The following NBPF15 variants were observed in gnomAD, a reference collection of about 807,000 sequenced individuals.
The protein encoded by NBPF15 is NBPF family member NBPF15.
In NBPF15, 74 loss-of-function variants were observed where a neutral mutation model predicts 62.2. That is an observed-to-expected ratio of 1.19 (90% CI 0.99 to 1.44). The LOEUF is 1.44. Among genes scored for constraint, NBPF15 ranks in the 40% most tolerant of loss-of-function variants. NBPF15 has a pLI of 0.00. For missense variants in NBPF15, 790 were observed against 550.0 expected, an observed-to-expected ratio of 1.44 and a Z score of -4.36; for synonymous variants, 244 against 209.7, an observed-to-expected ratio of 1.16 and a Z score of -1.41.
intron 11 of NBPF15, 144 bp from the exon 12 acceptor site, chr1:144,435,460 C>G (rs1464649495): frequency 2.3e-6 from 3 of 1,320,726 alleles, no homozygotes; most frequent in East Asian, 4.7e-5. Context: ...AGGGAACATG[C>G]AATCCTGTTC....
chr1:144,425,579 T>C lies in NBPF15; in HGVS notation c.1439-11A>G, dbSNP rs1669141667. The C allele has an allele frequency of 3.5e-6, 2 of 565,316 alleles. No individual in the cohort carries two copies. Among genetic ancestry groups the C allele is most frequent in the African/African-American group, 5.2e-5 (2 of 38,338 alleles). The allele number at this position is 565,316 out of a possible 1,614,324, so 35.0% of individuals were successfully genotyped here. ...GGTCCTTTTTAATTCCTGCAATACATTCAGACAGGGACAGACAAAATAAGC... is the reference window on the plus strand; with the variant it reads ...GGTCCTTTTTAATTCCTGCAATACACTCAGACAGGGACAGACAAAATAAGC... On this transcript the variant is annotated splice_polypyrimidine_tract_variant and intron_variant, in intron 18 of 21. Transcript: ENST00000581897.
chr1:144,423,975 T>G lies in NBPF15; in HGVS notation c.1664A>C (p.Glu555Ala). Reference protein sequence around the residue: ...KHVGFSLDVGEIEKKGKGKKR... With the variant: ...KHVGFSLDVGAIEKKGKGKKR... The stretch of plus-strand genomic sequence containing the variant: ...CTTCCCCTTCCCCTTCTTTTCAATT[T>G]CTGCAATAAATTCAGACATGGACAG... The change falls in exon 21 of 22, where the codon GAA (glutamate) becomes GCA (alanine). Residue 555 changes from glutamate to alanine, a missense_variant and splice_region_variant. Transcript: ENST00000581897. 1.3e-6 allele frequency: 1 copy of G among 766,514 alleles called. No homozygotes were observed. Among genetic ancestry groups the G allele is most frequent in the South Asian group, 1.3e-5 (1 of 74,508 alleles). The allele number at this position is 766,514 out of a possible 1,614,324, so 47.5% of individuals were successfully genotyped here.
chr1:144,456,987 G>A (rs1428685220), intron 3 of NBPF15, among the ~76,000 whole-genome samples, 182 bp from the exon 4 acceptor site: 1 of 150,244 alleles, frequency 6.7e-6, no homozygotes, highest in Non-Finnish European at 1.5e-5. Flanking sequence ...ACCAGCCTCG[G>A]CAACATAGTA....
intron 6 of NBPF15, among the ~76,000 whole-genome samples, chr1:144,443,637 G>T (rs1256797179): frequency 2.6e-5 from 4 of 151,686 alleles, no homozygotes; most frequent in South Asian, 4.2e-4. Flanking sequence ...CTGCTTCATT[G>T]CATGTATTGT....
At position 144,423,088 on chromosome 1, in the gene NBPF15, C is replaced by A. The variant is rs781891184; in HGVS notation, c.1938G>T (p.Val646=). ...EEEHISFALY[V]DNRFFTLTVT... ...CCGTCAAAGTAAAAAACCTATTGTC[C>A]ACGTAAAGGGCGAAGCTGATATGCT... Residue 646 remains valine (V), a synonymous_variant, in exon 22 of 22, where the codon GTG becomes GTT. Transcript: ENST00000581897. 6.2e-7 allele frequency: 1 copy of A among 1,611,560 alleles called. No homozygotes were observed. Among genetic ancestry groups the A allele is most frequent in the East Asian group, 2.2e-5 (1 of 44,862 alleles).
At chr1:144,441,828 T>C (rs1180138916) in intron 6 of NBPF15, among the ~76,000 whole-genome samples, 1 of 150,750 alleles carries the variant, frequency 6.6e-6, no homozygotes, top group Non-Finnish European at 1.5e-5. Context: ...AAACAACAAA[T>C]ATTATTTCAC....
intron 8 of NBPF15, among the ~76,000 whole-genome samples, chr1:144,438,601 A>G (rs1236937066): frequency 6.6e-6 from 1 of 152,092 alleles, no homozygotes; most frequent in Non-Finnish European, 1.5e-5. Context: ...TGAAGGAAAT[A>G]TGCCCAAATG....
At chr1:144,451,904 C>G (rs1184881217) in intron 4 of NBPF15, among the ~76,000 whole-genome samples, 3 of 151,812 alleles carry the variant, frequency 2.0e-5, no homozygotes, top group Admixed American at 1.3e-4. Flanking sequence ...GTAATCCTAG[C>G]ACTTTGAGAG....
At chr1:144,441,452 T>A (rs1204018332) in intron 6 of NBPF15, among the ~76,000 whole-genome samples, 1 of 150,648 alleles carries the variant, frequency 6.6e-6, no homozygotes, top group Non-Finnish European at 1.5e-5. Flanking sequence ...CAAATTTTTA[T>A]ATTCATTGAT....
At chr1:144,428,034 G>C in intron 15 of NBPF15, 44 bp from the exon 16 acceptor site, 1 of 775,394 alleles carries the variant, frequency 1.3e-6, no homozygotes, top group Non-Finnish European at 2.4e-6. Context: ...GGGGGAATCA[G>C]AAACCACACA....
chr1:144,458,178 C>A (rs1177694556), intron 3 of NBPF15, among the ~76,000 whole-genome samples: 1 of 151,954 alleles, frequency 6.6e-6, no homozygotes, highest in Admixed American at 6.6e-5. Context: ...CTTTAAATGG[C>A]TTAACGCTTA....
intron 6 of NBPF15, among the ~76,000 whole-genome samples, chr1:144,445,073 G>T (rs1344253352): frequency 6.6e-6 from 1 of 151,056 alleles, no homozygotes; most frequent in Non-Finnish European, 1.5e-5. Context: ...GATATGTACT[G>T]GTATCTCATT....
intron 6 of NBPF15, among the ~76,000 whole-genome samples, chr1:144,442,117 A>T (rs1269309124): frequency 4.6e-5 from 2 of 43,418 alleles, no homozygotes; most frequent in Admixed American, 4.1e-4. Context: ...TATATATATA[A>T]TATATATACA....
chr1:144,444,881 T>A (rs1686150554), intron 6 of NBPF15, among the ~76,000 whole-genome samples: 1 of 151,980 alleles, frequency 6.6e-6, no homozygotes, highest in African/African-American at 2.4e-5. Context: ...ACACAGTGTG[T>A]AAATTCCTAG....
intron 8 of NBPF15, among the ~76,000 whole-genome samples, chr1:144,438,522 A>T (rs1228874011): frequency 6.6e-6 from 1 of 152,026 alleles, no homozygotes; most frequent in African/African-American, 2.4e-5. Context: ...TTTTTAAATC[A>T]TATCTTCAGT....
In NBPF15 at chr1:144,426,401, A is replaced by T. The variant is rs1366945007; in HGVS notation, c.1315T>A (p.Ser439Thr). The T allele has an allele frequency of 1.6e-5, 13 of 817,292 alleles. No individual in the cohort carries two copies. The highest frequency in any genetic ancestry group is 2.4e-5 in the Non-Finnish European group (11 of 454,296). 50.6% of individuals were successfully genotyped at this position (817,292 alleles called of 1,614,324 possible). The change falls in exon 18 of 22, where the codon TCA becomes ACA. Residue 439 changes from serine (S) to threonine (T), a missense_variant. Coordinates refer to ENST00000581897, the MANE Select transcript of NBPF15 (RefSeq NM_001385408.1). ...DEKEPEVLQD[S>T]LDRCYSTPSD... Reference sequence around the variant, plus strand: ...GGAGTCGAATAACATCTATCCAGTGAGTCCTGCAAGACTTCAGGCTCTTTC... The same window carrying T: ...GGAGTCGAATAACATCTATCCAGTGTGTCCTGCAAGACTTCAGGCTCTTTC...
chr1:144,428,217 C>T (rs61812423), intron 15 of NBPF15, among the ~76,000 whole-genome samples: 1,413 of 136,608 alleles, frequency 0.01, no homozygotes, highest in African/African-American at 0.045. Context: ...ACACACAGAG[C>T]GAGCTCAGTG....
chr1:144,425,057 T>TAC (rs1668631840), intron 19 of NBPF15, among the ~76,000 whole-genome samples, 195 bp from the exon 20 acceptor site: 4 of 66,820 alleles, frequency 6.0e-5, no homozygotes, highest in Admixed American at 4.4e-4. Context: ...GAAAGACAGA[T>TAC]AGACACACAC....
rs1158430130 is a variant in NBPF15 at position 144,440,489 on chromosome 1, T to C, written c.-190-194A>G. 2,638 of 451,324 alleles carry C rather than the reference T, an allele frequency of 5.8e-3. 23 individuals are homozygous for C. The highest frequency in any genetic ancestry group is 7.4e-3 in the Non-Finnish European group (1,879 of 255,566). 28.0% of individuals were successfully genotyped at this position (451,324 alleles called of 1,614,324 possible). ...TGTGACAATGCCACAGACCCATGTC[T>C]TTCCCAATACATCTAAGCATATTCC... On this transcript the variant is annotated intron_variant, in intron 6 of 21. Transcript: ENST00000581897.
Sources: gnomAD v4.1 joint callset for allele counts (sites outside exome capture counted in the v4.1 genomes callset) on GRCh38, gnomAD v4.1.1 for gene constraint, MANE v1.5 for transcripts, NCBI Gene and HGNC (gene_info 2026-07-23, HGNC 2026-07-21) for gene names.